Variants in PCDHA3 observed in about 807,000 individuals in gnomAD.
PCDHA3 encodes protocadherin alpha 3, also known as protocadherin alpha-3.
In PCDHA3, 41 loss-of-function variants were observed where a neutral mutation model predicts 62.2. That is an observed-to-expected ratio of 0.66 (90% CI 0.51 to 0.86). The LOEUF (loss-of-function observed/expected upper bound fraction) is 0.86, where lower values mean the gene tolerates loss of function less well. PCDHA3 is among the 40% of genes least tolerant of loss of function. PCDHA3 has a pLI of 0.00. For synonymous variants in PCDHA3, 640 were observed against 555.4 expected, an observed-to-expected ratio of 1.15 and a Z score of -2.14; for missense variants, 1,304 against 1,241.2, an observed-to-expected ratio of 1.05 and a Z score of -0.76.
At chr5:140,946,629 T>TATATATATATATAC (rs1367833800) in intron 1 of PCDHA3, among the ~76,000 whole-genome samples, 1 of 123,274 alleles carries the variant, frequency 8.1e-6, no homozygotes, top group Admixed American at 8.1e-5. Flanking sequence ...TATATATATA[T>TATATATATATATAC]ATACAATGGA....
At chr5:140,884,166 C>A in intron 1 of PCDHA3, 1 of 1,613,430 alleles carries the variant, frequency 6.2e-7, no homozygotes, top group Non-Finnish European at 8.5e-7. Context: ...GAGATCAGCA[C>A]GACGCGCCCT....
At chr5:140,850,268 G>T in intron 1 of PCDHA3, 1 of 1,594,774 alleles carries the variant, frequency 6.3e-7, no homozygotes, top group Non-Finnish European at 8.6e-7. Flanking sequence ...GCGTAGTGGT[G>T]GGGAAGGTGC....
chr5:140,905,880 A>C (rs1485985374), intron 1 of PCDHA3, among the ~76,000 whole-genome samples: 1 of 152,172 alleles, frequency 6.6e-6, no homozygotes, highest in Non-Finnish European at 1.5e-5. Context: ...AGGCCCAACA[A>C]TAGGCCATCT....
intron 1 of PCDHA3, chr5:140,877,370 C>G (rs781905172): frequency 6.2e-7 from 1 of 1,614,004 alleles, no homozygotes; most frequent in Admixed American, 1.7e-5. Context: ...GAGATCAGCA[C>G]GACACGCATC....
At chr5:140,883,502 G>T in intron 1 of PCDHA3, 1 of 1,614,160 alleles carries the variant, frequency 6.2e-7, no homozygotes, top group Non-Finnish European at 8.5e-7. Context: ...GCTGGACAGC[G>T]CCCTGGACCG....
Position 140,801,857 on chromosome 5 carries a change from A to G in PCDHA3, c.660A>G (p.Pro220=). 1 of 1,614,138 alleles carries G rather than the reference A, an allele frequency of 6.2e-7. No individual in the cohort carries two copies. Among genetic ancestry groups the G allele is most frequent in the Non-Finnish European group, 8.5e-7 (1 of 1,180,044 alleles). Residue 220 remains proline (P), a synonymous_variant, in exon 1 of 4, where the codon CCA becomes CCG. Coordinates refer to ENST00000522353, the MANE Select transcript of PCDHA3 (RefSeq NM_018906.3). ...LLITAIDGGK[P]ELTGTTQLKI... is the part of the protein sequence containing the mutation. ...TAACAGCAATTGATGGTGGGAAACC[A>G]GAGCTCACTGGCACGACTCAACTAA...
intron 1 of PCDHA3, chr5:140,823,047 G>A: frequency 4.3e-6 from 7 of 1,614,198 alleles, no homozygotes; most frequent in South Asian, 2.2e-5. Flanking sequence ...AGCTGGTGGT[G>A]ACCGCGCGGG....
Position 140,838,464 on chromosome 5 carries a change from C to T in PCDHA3, c.2394+34873C>T, listed in dbSNP as rs2150289742. Among the ~76,000 whole-genome samples the T allele has an allele frequency of 1.1e-4, 16 of 151,566 alleles. 1 individual carries two copies. In the South Asian group the frequency reaches 2.5e-3, roughly 24 times the overall value. ...GTTTTGTGGCATATTATTTCATTAG[C>T]GCTTATTCCTTGTTTTTGATTATTT... is the stretch of plus-strand genomic sequence containing the variant. On this transcript the variant is annotated intron_variant, in intron 1 of 3. Coordinates refer to ENST00000522353, the MANE Select transcript of PCDHA3 (RefSeq NM_018906.3).
intron 1 of PCDHA3, chr5:140,829,201 C>T (rs2150163730): frequency 8.1e-6 from 13 of 1,614,196 alleles, no homozygotes; most frequent in Admixed American, 1.7e-5. Context: ...CTGTCATCGC[C>T]CTAATTAGCG....
rs1374109552 is a variant in PCDHA3 at position 141,010,068 on chromosome 5, T to C, written c.*131T>C. On this transcript the variant is annotated 3_prime_UTR_variant, in exon 4 of 4. Transcript: ENST00000522353. ...AGAGACCTCAGAAATCTGCAGAAAGTTCCCTGTGTCTGTCTAGAACGCATT... is the reference window on the plus strand; with the variant it reads ...AGAGACCTCAGAAATCTGCAGAAAGCTCCCTGTGTCTGTCTAGAACGCATT... 4 of 1,604,732 alleles carry C rather than the reference T, an allele frequency of 2.5e-6. No homozygotes were observed. Among genetic ancestry groups the C allele is most frequent in the Non-Finnish European group, 3.4e-6 (4 of 1,175,400 alleles).
intron 1 of PCDHA3, chr5:140,869,814 C>A: frequency 2.5e-6 from 4 of 1,612,258 alleles, no homozygotes; most frequent in Non-Finnish European, 3.4e-6. Flanking sequence ...ATGTCAACGA[C>A]AATGATCCAG....
chr5:140,891,344 T>C (rs952306829), intron 1 of PCDHA3, among the ~76,000 whole-genome samples: 2 of 152,166 alleles, frequency 1.3e-5, no homozygotes, highest in East Asian at 1.9e-4. Flanking sequence ...GAGATTTTGG[T>C]GCATCCATCA....
In PCDHA3 at chr5:140,849,860, C is replaced by T. The variant is rs1451585591; in HGVS notation, c.2394+46269C>T. The T allele has an allele frequency of 5.6e-5, 89 of 1,598,432 alleles. 9 individuals carry two copies. Among genetic ancestry groups the T allele is most frequent in the Non-Finnish European group, 7.4e-5 (87 of 1,167,988 alleles). ...ACGTGAACGACAACGCACCAGCGTT[C>T]GCGCAGTCCGAGTACACGGTGTTCG... On this transcript the variant is annotated intron_variant, in intron 1 of 3. Transcript: ENST00000522353.
intron 1 of PCDHA3, chr5:140,828,564 C>T: frequency 6.2e-7 from 1 of 1,614,226 alleles, no homozygotes. Flanking sequence ...GAGGGCGCGT[C>T]CGATGCAGAT....
chr5:140,933,423 A>G (rs2089141997), intron 1 of PCDHA3, among the ~76,000 whole-genome samples: 1 of 152,144 alleles, frequency 6.6e-6, no homozygotes, highest in Non-Finnish European at 1.5e-5. Flanking sequence ...TTCTGTGTTC[A>G]TAGGGGCACT....
At chr5:140,869,532 G>A (rs917843661) in intron 1 of PCDHA3, 3 of 1,614,130 alleles carry the variant, frequency 1.9e-6, no homozygotes, top group Non-Finnish European at 1.7e-6. Flanking sequence ...TGCTGATTGC[G>A]GAATCTAAGC....
intron 1 of PCDHA3, chr5:140,856,893 C>T (rs267600397): frequency 6.3e-7 from 1 of 1,596,420 alleles, no homozygotes; most frequent in Non-Finnish European, 8.6e-7. Flanking sequence ...TCATTTAGCT[C>T]TTTGGTCCCA....
intron 1 of PCDHA3, chr5:140,877,335 G>C (rs115718636): frequency 0.047 from 75,474 of 1,613,976 alleles, 2,017 homozygotes; most frequent in Middle Eastern, 0.086. Flanking sequence ...CGCACATCCC[G>C]TTCCACGTGG....
rs2054438060 is a variant in PCDHA3 at position 140,873,702 on chromosome 5, C to T, written c.2394+70111C>T. 9.2e-5 allele frequency among the ~76,000 whole-genome samples: 14 copies of T among 152,214 alleles called. No individual in the cohort carries two copies. In the South Asian group the frequency reaches 2.9e-3, roughly 32 times the overall value. ...TTGAGATAGAGTCTTGCTCTATCAC[C>T]CAGGCTGGTGTGCAGTGGCGCAATC... On this transcript the variant is annotated intron_variant, in intron 1 of 3. Transcript: ENST00000522353.
Sources: gnomAD v4.1 joint callset for allele counts (sites outside exome capture counted in the v4.1 genomes callset) on GRCh38, gnomAD v4.1.1 for gene constraint, MANE v1.5 for transcripts, NCBI Gene and HGNC (gene_info 2026-07-23, HGNC 2026-07-21) for gene names.